Variants in GCN1 observed in about 807,000 individuals in gnomAD.
The protein encoded by GCN1 is GCN1 activator of EIF2AK4.
Under a neutral mutation model 288.4 loss-of-function variants are expected in GCN1, and 90 were observed. The observed-to-expected ratio is 0.31, with a 90% CI of 0.26 to 0.37. The LOEUF (loss-of-function observed/expected upper bound fraction) is 0.37, where lower values mean the gene tolerates loss of function less well. Among genes scored for constraint, GCN1 ranks in the 10% least tolerant of loss-of-function variants. The pLI, the probability that GCN1 is intolerant of heterozygous loss-of-function variation, is 1.00. For synonymous variants in GCN1, 1,386 were observed against 1,420.2 expected, an observed-to-expected ratio of 0.98 and a Z score of 0.54; for missense variants, 2,586 against 3,419.9, an observed-to-expected ratio of 0.76 and a Z score of 6.08.
Position 120,170,257 on chromosome 12 carries a change from G to A in GCN1, c.1431C>T (p.Ala477=), listed in dbSNP as rs1212993879. 4 of 1,614,078 alleles carry A rather than the reference G, an allele frequency of 2.5e-6. No individual in the cohort carries two copies. The Admixed American group carries it at 6.7e-5, about 27-fold the overall frequency. The change falls in exon 15 of 58, where the codon GCC becomes GCT. Residue 477 remains alanine, a synonymous_variant. Coordinates refer to ENST00000300648, the MANE Select transcript of GCN1 (RefSeq NM_006836.2). ...PLLIQTVEKA[A]SQSTQVPTIT... ...TGGTGGGAACCTGAGTGCTTTGGGA[G>A]GCTGCCTTCTCCACTGTCTGGATGA...
rs1877547889 is a variant in GCN1, at chr12:120,151,374, G to A, written c.4080C>T (p.Ala1360=). 1 of 1,613,684 alleles carries A rather than the reference G, an allele frequency of 6.2e-7. No individual in the cohort carries two copies. The highest frequency in any genetic ancestry group is 2.2e-5 in the East Asian group (1 of 44,872). Residue 1360 remains alanine (A), a synonymous_variant, in exon 34 of 58, where the codon GCC becomes GCT. Coordinates refer to ENST00000300648, the MANE Select transcript of GCN1 (RefSeq NM_006836.2). The stretch of plus-strand genomic sequence containing the variant: ...CTGGCACAAGGGGTGGCAAGCAGCT[G>A]GCTACGGACTCCTGGACCTGGGGAA... ...TPSQQVQESV[A]SCLPPLVPAI...
chr12:120,129,215 G>T, intron 57 of GCN1, 61 bp downstream of exon 57: 2 of 1,206,550 alleles, frequency 1.7e-6, no homozygotes, highest in Non-Finnish European at 2.5e-6. Flanking sequence ...TTTCCATGCT[G>T]AAGAAGAGCT....
At position 120,159,898 on chromosome 12, in the gene GCN1, C is replaced by T; in HGVS notation, c.2676G>A (p.Leu892=). 1 of 1,614,162 alleles carries T rather than the reference C, an allele frequency of 6.2e-7. No individual in the cohort carries two copies. Among genetic ancestry groups the T allele is most frequent in the Non-Finnish European group, 8.5e-7 (1 of 1,180,012 alleles). The change falls in exon 24 of 58, where the codon CTG becomes CTA. Residue 892 remains leucine (L), a synonymous_variant. Coordinates refer to ENST00000300648, the MANE Select transcript of GCN1 (RefSeq NM_006836.2). ...AGGGGTTCTTGATCCTGGGAGCAGC[C>T]AGGGGAGACTTCAGCAAGGGCAGAA... The part of the protein sequence containing the change: ...DSFLPLLKSP[L]AAPRIKNPFL...
chr12:120,146,541 G>T (rs1322826275), intron 38 of GCN1, among the ~76,000 whole-genome samples: 1 of 151,462 alleles, frequency 6.6e-6, no homozygotes, highest in Non-Finnish European at 1.5e-5. Flanking sequence ...TGTTTTTCTG[G>T]TTTTTTAATT....
Position 120,158,081 on chromosome 12 carries a change from G to A in GCN1, c.2906-51C>T, listed in dbSNP as rs747336783. The A allele has an allele frequency of 2.6e-6, 4 of 1,552,410 alleles. No homozygotes were observed. The highest frequency in any genetic ancestry group is 2.3e-5 in the South Asian group (2 of 87,104). On this transcript the variant is annotated intron_variant, in intron 25 of 57. Transcript: ENST00000300648. The surrounding 1 kb of genome is among the most constrained non-coding windows in gnomAD (Gnocchi z 4.3). Reference sequence around the variant, plus strand: ...TTCTGCAGGCAGGGCAGGGACCCGGGCCACTGCTGCCTATTTCTATCCTCA... The same window carrying A: ...TTCTGCAGGCAGGGCAGGGACCCGGACCACTGCTGCCTATTTCTATCCTCA...
Position 120,153,677 on chromosome 12 carries a change from GT to G in GCN1, c.3867+66del. ...TGCTCAGCCCTAGCGCCTGCCTCCC[GT>G]GTCTCCTTAGCGGGCTGGGACCCCC... On this transcript the variant is annotated intron_variant, in intron 32 of 57. Coordinates refer to ENST00000300648, the MANE Select transcript of GCN1 (RefSeq NM_006836.2). This position sits in a 1 kb window ranked among gnomAD's most constrained non-coding sequence, Gnocchi z 4.4. 1.4e-6 allele frequency: 2 copies of G among 1,478,870 alleles called. No individual in the cohort carries two copies. Among genetic ancestry groups the G allele is most frequent in the South Asian group, 1.2e-5 (1 of 82,790 alleles). The allele number at this position is 1,478,870 out of a possible 1,614,324, so 91.6% of individuals were successfully genotyped here.
intron 7 of GCN1, 106 bp from the exon 8 acceptor site, chr12:120,177,858 C>CCCCAAATT (rs1878529462): frequency 1.2e-6 from 1 of 828,424 alleles, no homozygotes; most frequent in Non-Finnish European, 2.1e-6. Context: ...CAAATCAATG[C>CCCCAAATT]CCCAAATTTC....
At chr12:120,193,409 G>T (rs1594294410) in intron 1 of GCN1, among the ~76,000 whole-genome samples, 1 of 152,180 alleles carries the variant, frequency 6.6e-6, no homozygotes, top group South Asian at 2.1e-4. Flanking sequence ...AGGTTCAAGC[G>T]ATTCTCATGC....
chr12:120,154,385 A>G (rs1173333302), intron 31 of GCN1, among the ~76,000 whole-genome samples: 1 of 152,188 alleles, frequency 6.6e-6, no homozygotes, highest in East Asian at 1.9e-4. Context: ...ACCACCCTAC[A>G]CTGACACACA....
At chr12:120,192,074 T>G (rs995731853) in intron 1 of GCN1, among the ~76,000 whole-genome samples, 1 of 152,222 alleles carries the variant, frequency 6.6e-6, no homozygotes, top group Admixed American at 6.5e-5. Flanking sequence ...TCTTCCCAGC[T>G]TTTTTATGCC....
chr12:120,134,841 A>G lies in GCN1; in HGVS notation c.7009-115T>C. The G allele has an allele frequency of 4.6e-6, 4 of 873,344 alleles. No individual in the cohort carries two copies. Among genetic ancestry groups the G allele is most frequent in the Non-Finnish European group, 7.3e-6 (4 of 544,370 alleles). The allele number at this position is 873,344 out of a possible 1,614,324, so 54.1% of individuals were successfully genotyped here. Reference sequence around the variant, plus strand: ...AACCACCACAGCGAGTCCAGCTCTCATACAGGGCTGGGGACAGATAGCCCG... The same window carrying G: ...AACCACCACAGCGAGTCCAGCTCTCGTACAGGGCTGGGGACAGATAGCCCG... On this transcript the variant is annotated intron_variant, in intron 51 of 57. Coordinates refer to ENST00000300648, the MANE Select transcript of GCN1 (RefSeq NM_006836.2). The surrounding 1 kb of genome is among the most constrained non-coding windows in gnomAD (Gnocchi z 5.0).
chr12:120,183,440 T>G, intron 5 of GCN1, 129 bp downstream of exon 5: 3 of 689,740 alleles, frequency 4.3e-6, no homozygotes, highest in Non-Finnish European at 8.0e-6. Context: ...GCCACACACC[T>G]CGGGACAACT....
chr12:120,175,811 G>A lies in GCN1; in HGVS notation c.977C>T (p.Ala326Val), dbSNP rs2139131628. 3.1e-6 allele frequency: 5 copies of A among 1,613,232 alleles called. No homozygotes were observed. Among genetic ancestry groups the A allele is most frequent in the Non-Finnish European group, 3.4e-6 (4 of 1,179,710 alleles). ...DEAVLALRNL[A>V]RQCSDSSAME... ...GGCCGAAGAGTCACTGCACTGGCGTGCCAGGTTCCGCAGTGCCAGCACAGC... is the reference window on the plus strand; with the variant it reads ...GGCCGAAGAGTCACTGCACTGGCGTACCAGGTTCCGCAGTGCCAGCACAGC... Residue 326 changes from alanine to valine, a missense_variant, in exon 11 of 58, where the codon GCA (alanine) becomes GTA (valine). Ala to Val is a moderately conservative substitution (Grantham distance 64). Around this residue, in one of 8 missense-constraint regions of GCN1, gnomAD observed 913 missense variants for 1,107.0 expected, o/e 0.82. Transcript: ENST00000300648.
At chr12:120,190,986 A>G (rs1045335868) in intron 1 of GCN1, among the ~76,000 whole-genome samples, 3 of 152,150 alleles carry the variant, frequency 2.0e-5, no homozygotes, top group Non-Finnish European at 4.4e-5. Context: ...TTAGTCAAAT[A>G]ATGTCACTCC....
chr12:120,167,092 C>A (rs374688599), intron 16 of GCN1, among the ~76,000 whole-genome samples: 1 of 151,990 alleles, frequency 6.6e-6, no homozygotes, highest in East Asian at 1.9e-4. Context: ...GTAATCCCAG[C>A]ACTTTGGGAG....
Position 120,137,213 on chromosome 12 carries a change from G to T in GCN1, c.6770C>A (p.Pro2257Gln). Residue 2257 changes from proline (P) to glutamine (Q), a missense_variant, in exon 50 of 58, where the codon CCG becomes CAG. Physicochemically the swap from Pro to Gln is moderately conservative, Grantham distance 76 (BLOSUM62 -1). This residue lies in a region of GCN1 where 437 missense variants were observed against 570.5 expected (regional missense o/e 0.77). Transcript: ENST00000300648. This position sits in a 1 kb window ranked among gnomAD's most constrained non-coding sequence, Gnocchi z 5.2. ...CACGAGGCCCTGGCTTACCTTCTTCGGGAGGCAGAATCCTGGCACATGCTC... is the reference window on the plus strand; with the variant it reads ...CACGAGGCCCTGGCTTACCTTCTTCTGGAGGCAGAATCCTGGCACATGCTC... ...KGEHVPGFCL[P>Q]KKGVTSILPV... 1 of 1,612,862 alleles carries T rather than the reference G, an allele frequency of 6.2e-7. No individual in the cohort carries two copies.
At chr12:120,175,534 T>C (rs1878453493) in intron 11 of GCN1, among the ~76,000 whole-genome samples, 1 of 152,218 alleles carries the variant, frequency 6.6e-6, no homozygotes, top group African/African-American at 2.4e-5. Context: ...AATGTGTATC[T>C]TAAAAACAAA....
chr12:120,148,131 G>A, intron 37 of GCN1, 36 bp downstream of exon 37: 1 of 1,531,254 alleles, frequency 6.5e-7, no homozygotes, highest in South Asian at 1.2e-5. Flanking sequence ...GCGTTGGTGG[G>A]AGGTCAGGGC....
chr12:120,183,057 G>A (rs1294357281), intron 5 of GCN1, among the ~76,000 whole-genome samples: 1 of 152,008 alleles, frequency 6.6e-6, no homozygotes, highest in Non-Finnish European at 1.5e-5. Context: ...GAGCAGACAT[G>A]GGGAAAGAAA....
Sources: gnomAD v4.1 joint callset for allele counts (sites outside exome capture counted in the v4.1 genomes callset) on GRCh38, gnomAD v4.1.1 for gene constraint, gnomAD v4.1.1 regional missense constraint, Gnocchi (gnomAD v3.1) non-coding constraint, MANE v1.5 for transcripts, NCBI Gene and HGNC (gene_info 2026-07-23, HGNC 2026-07-21) for gene names.